OSMR: variants seen among roughly 807,000 people sequenced by gnomAD.
OSMR encodes oncostatin M receptor, also known as oncostatin-M-specific receptor subunit beta.
OSMR carries 81 observed loss-of-function variants against 99.9 expected under a neutral mutation model. The ratio of observed to expected loss-of-function variants is 0.81; its 90% CI spans 0.68 to 0.97. The LOEUF (loss-of-function observed/expected upper bound fraction) is 0.97. Among genes scored for constraint, OSMR ranks in the 50% least tolerant of loss-of-function variants. The pLI, the probability that OSMR is intolerant of heterozygous loss-of-function variation, is 0.00. For synonymous variants in OSMR, 406 were observed against 410.4 expected, an observed-to-expected ratio of 0.99 and a Z score of 0.13; for missense variants, 1,099 against 1,153.4, an observed-to-expected ratio of 0.95 and a Z score of 0.68.
downstream of OSMR, chr5:38,939,204 A>C (rs1317543127): frequency 8.6e-6 from 2 of 232,952 alleles, no homozygotes; most frequent in African/African-American, 4.4e-5. Context: ...AGGAAAATGT[A>C]AATAAGCATT....
intron 1 of OSMR, among the ~76,000 whole-genome samples, chr5:38,862,563 CG>C (rs1561339858): frequency 7.0e-6 from 1 of 141,854 alleles, no homozygotes; most frequent in Admixed American, 7.0e-5. Flanking sequence ...ACTTCTCAGA[CG>C]GGGCGGCCGG....
intron 3 of OSMR, among the ~76,000 whole-genome samples, chr5:38,880,099 A>G (rs1743159268): frequency 6.6e-6 from 1 of 152,200 alleles, no homozygotes; most frequent in Non-Finnish European, 1.5e-5. Flanking sequence ...GAAGCCCACA[A>G]TTAAATGCCC....
chr5:38,943,172 A>G (rs1405194477), intron 1 of OSMR: 1 of 449,782 alleles, frequency 2.2e-6, no homozygotes, highest in East Asian at 3.3e-5. Context: ...TTTTTTAAAA[A>G]AAATGATTAT....
chr5:38,905,217 G>A (rs1320118320), intron 9 of OSMR, among the ~76,000 whole-genome samples: 1 of 152,140 alleles, frequency 6.6e-6, no homozygotes, highest in Non-Finnish European at 1.5e-5. Flanking sequence ...TCTTAGGAGT[G>A]CAGTGGCTCA....
chr5:38,884,994 T>A (rs1282897991), intron 5 of OSMR, among the ~76,000 whole-genome samples: 1 of 152,204 alleles, frequency 6.6e-6, no homozygotes, highest in Non-Finnish European at 1.5e-5. Context: ...CAAATCTGAC[T>A]GATTTCCTTG....
chr5:38,894,773 A>G (rs564278266), intron 7 of OSMR, among the ~76,000 whole-genome samples: 2 of 152,094 alleles, frequency 1.3e-5, no homozygotes, highest in Non-Finnish European at 2.9e-5. Context: ...GGGGACTTCA[A>G]CACCACACTG....
chr5:38,929,043 A>G (rs543999210), intron 15 of OSMR, among the ~76,000 whole-genome samples: 4 of 152,260 alleles, frequency 2.6e-5, no homozygotes, highest in African/African-American at 9.6e-5. Context: ...AATATTTGAA[A>G]TATTTGCAAC....
At chr5:38,916,476 A>C (rs1354613476) in intron 9 of OSMR, among the ~76,000 whole-genome samples, 1 of 152,204 alleles carries the variant, frequency 6.6e-6, no homozygotes, top group Non-Finnish European at 1.5e-5. Context: ...GTAAATAATC[A>C]TACCTGCCCC....
downstream of OSMR, among the ~76,000 whole-genome samples, chr5:38,937,232 A>G (rs1260832623): frequency 6.6e-6 from 1 of 151,990 alleles, no homozygotes; most frequent in African/African-American, 2.4e-5. This position sits in a 1 kb window ranked among gnomAD's most constrained non-coding sequence, Gnocchi z 4.0. Context: ...ACGGGGTTTC[A>G]CTGTGTTAGC....
intron 4 of OSMR, 155 bp from the exon 5 acceptor site, chr5:38,883,672 C>T (rs545571899): frequency 1.6e-4 from 158 of 984,610 alleles, no homozygotes; most frequent in Non-Finnish European, 1.9e-4. Flanking sequence ...CTTGCATGCA[C>T]CAGAGGGTAG....
At chr5:38,882,993 A>T (rs575553746) in intron 4 of OSMR, among the ~76,000 whole-genome samples, 3 of 152,324 alleles carry the variant, frequency 2.0e-5, no homozygotes, top group African/African-American at 7.2e-5. Context: ...AGAAGGACAC[A>T]TACACAGGGA....
intron 9 of OSMR, among the ~76,000 whole-genome samples, chr5:38,911,247 A>G (rs1406465217): frequency 6.6e-6 from 1 of 152,216 alleles, no homozygotes; most frequent in East Asian, 1.9e-4. Flanking sequence ...GTTAGAGGAC[A>G]TTACCACTTG....
intron 1 of OSMR, chr5:38,944,190 A>AT (rs1213007798): frequency 3.6e-6 from 2 of 553,044 alleles, no homozygotes; most frequent in Admixed American, 4.4e-5. Flanking sequence ...ATTATTTTAC[A>AT]TTTTTTGCAG....
intron 11 of OSMR, chr5:38,919,469 A>G (rs1746123888): frequency 4.5e-6 from 3 of 664,854 alleles, no homozygotes; most frequent in Admixed American, 6.5e-5. Flanking sequence ...GAAAGAGTCC[A>G]TGAACATTTC....
chr5:38,897,281 C>G (rs571997911), intron 7 of OSMR, among the ~76,000 whole-genome samples: 1 of 152,146 alleles, frequency 6.6e-6, no homozygotes, highest in East Asian at 1.9e-4. Flanking sequence ...GGGTCCCAGG[C>G]TTTTCTTTGC....
chr5:38,915,294 A>G (rs935512954), intron 9 of OSMR, among the ~76,000 whole-genome samples: 1 of 152,220 alleles, frequency 6.6e-6, no homozygotes, highest in African/African-American at 2.4e-5. Flanking sequence ...GCACTGGGAT[A>G]TGTATTTTGA....
chr5:38,903,543 G>A (rs1384205711), intron 7 of OSMR, among the ~76,000 whole-genome samples: 1 of 152,174 alleles, frequency 6.6e-6, no homozygotes, highest in African/African-American at 2.4e-5. Flanking sequence ...CATTGTTAAT[G>A]TTATTTTGGT....
intron 8 of OSMR, 64 bp from the exon 9 acceptor site, chr5:38,904,289 C>G: frequency 6.4e-7 from 1 of 1,560,880 alleles, no homozygotes; most frequent in Non-Finnish European, 8.7e-7. Flanking sequence ...ATGGGATGCA[C>G]TCACCAATGT....
At position 38,904,343 on chromosome 5, in the gene OSMR, G is replaced by A. The variant is rs188634744; in HGVS notation, c.1135-10G>A. 1 of 1,613,008 alleles carries A rather than the reference G, an allele frequency of 6.2e-7. No individual in the cohort carries two copies. The highest frequency in any genetic ancestry group is 1.1e-5 in the South Asian group (1 of 90,948). On this transcript the variant is annotated splice_polypyrimidine_tract_variant and intron_variant, in intron 8 of 17. Coordinates refer to ENST00000274276, the MANE Select transcript of OSMR (RefSeq NM_003999.3). ...TCTTTTTTCTTTTCTTCTCTTTTTTGATCAAGCAGTACAATGTTTCCATCA... is the reference window on the plus strand; with the variant it reads ...TCTTTTTTCTTTTCTTCTCTTTTTTAATCAAGCAGTACAATGTTTCCATCA...
Sources: allele counts gnomAD v4.1 joint callset (sites outside exome capture counted in the v4.1 genomes callset), GRCh38; gene constraint gnomAD v4.1.1; non-coding constraint Gnocchi (gnomAD v3.1); transcripts MANE v1.5; gene names NCBI Gene and HGNC (gene_info 2026-07-23, HGNC 2026-07-21).